The following PCLO variants were observed in gnomAD, a reference collection of about 807,000 sequenced individuals.
The protein encoded by PCLO is piccolo presynaptic cytomatrix protein, also known as protein piccolo.
PCLO carries 82 observed loss-of-function variants against 427.5 expected under a neutral mutation model. That is an observed-to-expected ratio of 0.19 (90% CI 0.16 to 0.23). The LOEUF (loss-of-function observed/expected upper bound fraction) is 0.23, where lower values mean the gene tolerates loss of function less well. Ranked by LOEUF, PCLO falls within the 10% of genes least tolerant of loss-of-function variation. PCLO has a pLI of 1.00. For missense variants in PCLO, 6,239 were observed against 6,115.9 expected (o/e 1.02, Z -0.67); for synonymous variants, 2,357 against 2,155.4 (o/e 1.09, Z -2.59).
At chr7:83,116,326 A>T (rs1791130670) in intron 3 of PCLO, among the ~76,000 whole-genome samples, 2 of 152,156 alleles carry the variant, frequency 1.3e-5, no homozygotes, top group Admixed American at 6.6e-5. Context: ...TAACCCACAC[A>T]TAATGCAGCA....
chr7:82,852,161 T>C (rs559551209), intron 10 of PCLO, among the ~76,000 whole-genome samples: 1 of 152,214 alleles, frequency 6.6e-6, no homozygotes, highest in African/African-American at 2.4e-5. Context: ...CACTCAGTCA[T>C]AATAAGAGAT....
chr7:83,113,146 C>T (rs1470328531), intron 3 of PCLO, among the ~76,000 whole-genome samples: 1 of 152,192 alleles, frequency 6.6e-6, no homozygotes, highest in Admixed American at 6.5e-5. Flanking sequence ...ATCGTTACAG[C>T]AGCCCCACAC....
intron 3 of PCLO, among the ~76,000 whole-genome samples, chr7:82,974,968 G>A (rs1795985259): frequency 1.3e-5 from 2 of 151,802 alleles, no homozygotes; most frequent in South Asian, 2.1e-4. Flanking sequence ...TAGTAGAGGC[G>A]GGGTTTCACC....
At chr7:82,759,965 A>G (rs1420316630) in intron 24 of PCLO, among the ~76,000 whole-genome samples, 1 of 151,976 alleles carries the variant, frequency 6.6e-6, no homozygotes, top group Non-Finnish European at 1.5e-5. Context: ...TGAATAAGGT[A>G]AGATGAATTA....
intron 13 of PCLO, 128 bp from the exon 14 acceptor site, chr7:82,841,637 T>TATTCTGAAGCAGCCAAA: frequency 3.1e-6 from 2 of 638,634 alleles, no homozygotes; most frequent in Non-Finnish European, 5.6e-6. Context: ...TTTTATCCAT[T>TATTCTGAAGCAGCCAAA]TGGCTGCTTC....
Position 82,871,679 on chromosome 7 carries a change from A to G in PCLO, c.13654+7658T>C, listed in dbSNP as rs77140573. ...CCAATTATCCAGATTTCATCATTAC[A>G]CATTATATGCATGCATGAAAATATC... On this transcript the variant is annotated intron_variant, in intron 10 of 24. Transcript: ENST00000333891. Among the ~76,000 whole-genome samples the G allele has an allele frequency of 7.0e-3, 1,063 of 152,116 alleles. 16 individuals are homozygous for G. The highest frequency in any genetic ancestry group is 0.025 in the African/African-American group (1,026 of 41,548).
intron 2 of PCLO, among the ~76,000 whole-genome samples, chr7:83,152,156 G>A (rs1792152252): frequency 6.6e-6 from 1 of 151,326 alleles, no homozygotes. Context: ...AGTAGAGACG[G>A]GGTTTCACTG....
Position 82,949,888 on chromosome 7 carries a change from C to T in PCLO, c.10700G>A (p.Cys3567Tyr). ...TGTGTCTGAATCTGCTTCTGTTTGA[C>T]ATCCTAAACTGCCCCCTTTGTAAGT... ...EKTYKGGSLGCQTEADSDTQS... is the reference protein window; with the variant it reads ...EKTYKGGSLGYQTEADSDTQS... The change falls in exon 6 of 25, where the codon TGT becomes TAT. Residue 3567 changes from cysteine to tyrosine, a missense_variant. Transcript: ENST00000333891. The T allele has an allele frequency of 6.2e-7, 1 of 1,613,736 alleles. No homozygotes were observed. The highest frequency in any genetic ancestry group is 8.5e-7 in the Non-Finnish European group (1 of 1,179,850).
chr7:82,797,841 A>T (rs1168703465), intron 22 of PCLO, among the ~76,000 whole-genome samples: 1 of 152,192 alleles, frequency 6.6e-6, no homozygotes, highest in Non-Finnish European at 1.5e-5. Flanking sequence ...ATTCATAAAC[A>T]ACTTCTGTGA....
At chr7:82,768,422 C>CAAA (rs528186012) in intron 22 of PCLO, among the ~76,000 whole-genome samples, 79 of 91,120 alleles carry the variant, frequency 8.7e-4, no homozygotes, top group African/African-American at 2.4e-3. Flanking sequence ...GACTCTGTCT[C>CAAA]AAAAAAAAAA....
rs531797969 is a variant in PCLO, at chr7:83,068,263, T to C, written c.3300+65987A>G. On this transcript the variant is annotated intron_variant, in intron 3 of 24. Transcript: ENST00000333891. The stretch of plus-strand genomic sequence containing the variant: ...CTGCAGCATATTGAAAGTATCATAG[T>C]TAGATCATAGTAAAAGGTAAGCAGA... 7.9e-5 allele frequency among the ~76,000 whole-genome samples: 12 copies of C among 152,138 alleles called. No individual in the cohort carries two copies. The South Asian group carries it at 2.5e-3, about 32-fold the overall frequency.
At chr7:83,015,900 A>G (rs1788195085) in intron 3 of PCLO, among the ~76,000 whole-genome samples, 1 of 152,196 alleles carries the variant, frequency 6.6e-6, no homozygotes, top group Non-Finnish European at 1.5e-5. Flanking sequence ...AAAAGCCAAG[A>G]ATAAAAATCT....
intron 10 of PCLO, among the ~76,000 whole-genome samples, chr7:82,867,217 T>C (rs1793117732): frequency 6.6e-6 from 1 of 152,142 alleles, no homozygotes; most frequent in Non-Finnish European, 1.5e-5. Flanking sequence ...CTGGGCAACA[T>C]GGCAACACTC....
Position 82,756,577 on chromosome 7 carries a change from T to A in PCLO, c.*1998A>T, listed in dbSNP as rs902244986. The A allele has an allele frequency of 6.6e-6, 1 of 152,046 alleles. No homozygotes were observed. Among genetic ancestry groups the A allele is most frequent in the Non-Finnish European group, 1.5e-5 (1 of 67,990 alleles). The allele number at this position is 152,046 out of a possible 1,614,324, so 9.4% of individuals were successfully genotyped here. A position where few individuals can be genotyped will look rare whatever the true frequency, so the allele number is the denominator to read the frequency against. On this transcript the variant is annotated 3_prime_UTR_variant, in exon 25 of 25. Coordinates refer to ENST00000333891, the MANE Select transcript of PCLO (RefSeq NM_033026.6). ...ATATCCTGGGATATATTAGAAATTC[T>A]CTTATTTTTAGTGCTTTACAGTCCT...
intron 3 of PCLO, among the ~76,000 whole-genome samples, chr7:83,058,262 T>C (rs753104991): frequency 1.3e-5 from 2 of 152,204 alleles, no homozygotes; most frequent in African/African-American, 2.4e-5. Flanking sequence ...TAATAGTGAA[T>C]TGAGAATCAT....
At chr7:82,878,941 T>C in intron 10 of PCLO, among the ~76,000 whole-genome samples, 1 of 152,192 alleles carries the variant, frequency 6.6e-6, no homozygotes, top group East Asian at 1.9e-4. Flanking sequence ...GGGCCATCCA[T>C]AGTTTGCTTA....
intron 10 of PCLO, among the ~76,000 whole-genome samples, chr7:82,857,574 C>T (rs1040292196): frequency 6.6e-6 from 1 of 152,052 alleles, no homozygotes; most frequent in Admixed American, 6.6e-5. Context: ...CCACCATCTC[C>T]ACTGTACATA....
intron 10 of PCLO, among the ~76,000 whole-genome samples, chr7:82,852,451 C>T (rs1042803635): frequency 3.9e-5 from 6 of 152,252 alleles, no homozygotes; most frequent in East Asian, 3.9e-4. Context: ...GCTGAGTCTT[C>T]CGGCCTTCAT....
At chr7:83,078,195 A>G (rs1443001817) in intron 3 of PCLO, among the ~76,000 whole-genome samples, 2 of 152,134 alleles carry the variant, frequency 1.3e-5, no homozygotes, top group Non-Finnish European at 2.9e-5. Context: ...ATAATCAACA[A>G]ACATATATTA....
Sources: gnomAD v4.1 joint callset for allele counts (sites outside exome capture counted in the v4.1 genomes callset) on GRCh38, gnomAD v4.1.1 for gene constraint, MANE v1.5 for transcripts, NCBI Gene and HGNC (gene_info 2026-07-23, HGNC 2026-07-21) for gene names.